DPP10: variants seen among roughly 807,000 people sequenced by gnomAD.
The protein encoded by DPP10 is inactive dipeptidyl peptidase 10.
DPP10 carries 33 observed loss-of-function variants against 120.9 expected under a neutral mutation model. The ratio of observed to expected loss-of-function variants is 0.27; its 90% CI spans 0.21 to 0.37. The LOEUF is 0.37. Ranked by LOEUF, DPP10 falls within the 10% of genes least tolerant of loss-of-function variation. DPP10 has a pLI of 1.00. For synonymous variants in DPP10, 337 were observed against 326.1 expected (o/e 1.03, Z -0.36); for missense variants, 816 against 942.8 (o/e 0.87, Z 1.76).
chr2:115,117,757 T>C (rs2049596988), intron 1 of DPP10, among the ~76,000 whole-genome samples: 1 of 152,120 alleles, frequency 6.6e-6, no homozygotes, highest in African/African-American at 2.4e-5. Context: ...TTGAAAATAA[T>C]TACGAAGCTA....
intron 4 of DPP10, among the ~76,000 whole-genome samples, chr2:115,515,329 A>T (rs1479071145): frequency 3.9e-5 from 6 of 152,032 alleles, no homozygotes; most frequent in Admixed American, 3.9e-4. Context: ...ATAGTGTATG[A>T]TACTCTCTGT....
intron 1 of DPP10, among the ~76,000 whole-genome samples, chr2:114,550,127 A>T (rs1351969572): frequency 2.0e-5 from 3 of 151,978 alleles, no homozygotes; most frequent in Non-Finnish European, 2.9e-5. Flanking sequence ...CTCATTTTTC[A>T]TTTAAATGAC....
chr2:114,950,520 T>G (rs78146493), intron 1 of DPP10, among the ~76,000 whole-genome samples: 3,081 of 151,834 alleles, frequency 0.02, 106 homozygotes, highest in African/African-American at 0.069. Context: ...GTTAGCAGGA[T>G]GGTCTCGATC....
intron 1 of DPP10, among the ~76,000 whole-genome samples, chr2:114,562,921 A>C (rs1047333644): frequency 6.6e-6 from 1 of 152,206 alleles, no homozygotes; most frequent in Admixed American, 6.5e-5. Context: ...TTTTTATAAA[A>C]CTTTTAACTG....
At chr2:115,365,041 C>G (rs2065001095) in intron 3 of DPP10, among the ~76,000 whole-genome samples, 1 of 152,108 alleles carries the variant, frequency 6.6e-6, no homozygotes, top group South Asian at 2.1e-4. Flanking sequence ...GATCAAACTT[C>G]TGTAGCAAGT....
At chr2:115,627,596 C>T (rs2085468467) in intron 5 of DPP10, among the ~76,000 whole-genome samples, 1 of 152,090 alleles carries the variant, frequency 6.6e-6, no homozygotes, top group East Asian at 1.9e-4. Context: ...TAAACGTGTG[C>T]TATGGTGGTT....
At chr2:114,824,340 G>A (rs1686348921) in intron 1 of DPP10, among the ~76,000 whole-genome samples, 1 of 152,192 alleles carries the variant, frequency 6.6e-6, no homozygotes, top group Non-Finnish European at 1.5e-5. Flanking sequence ...ACTGGGCTGT[G>A]TGCCTTTGAA....
chr2:115,485,457 G>C (rs2075717471), intron 3 of DPP10, among the ~76,000 whole-genome samples: 1 of 151,850 alleles, frequency 6.6e-6, no homozygotes, highest in African/African-American at 2.4e-5. Flanking sequence ...CTTCATTCTT[G>C]GGTCTGATTG....
intron 1 of DPP10, among the ~76,000 whole-genome samples, chr2:115,276,213 C>G (rs140346272): frequency 2.0e-5 from 3 of 152,202 alleles, no homozygotes; most frequent in Non-Finnish European, 2.9e-5. Flanking sequence ...TAAAGATACA[C>G]AGAACCCGGG....
At chr2:115,438,765 T>C (rs891014007) in intron 3 of DPP10, among the ~76,000 whole-genome samples, 1 of 149,894 alleles carries the variant, frequency 6.7e-6, no homozygotes, top group Admixed American at 6.7e-5. Context: ...GTGGCTAAGA[T>C]GGTCATGGAA....
rs991994955 is a variant in DPP10, at chr2:115,834,852, C to T, written c.1951-1305C>T. 2.5e-4 allele frequency among the ~76,000 whole-genome samples: 38 copies of T among 151,834 alleles called. 1 individual carries two copies. The highest frequency in any genetic ancestry group is 9.2e-4 in the African/African-American group (38 of 41,322). On this transcript the variant is annotated intron_variant, in intron 21 of 25. Coordinates refer to ENST00000410059, the MANE Select transcript of DPP10 (RefSeq NM_020868.6). ...CTGTAATCCCAGCACTTTGGGAGGCCGAGGCGGGTAGATCACGAGGTCAGG... is the reference window on the plus strand; with the variant it reads ...CTGTAATCCCAGCACTTTGGGAGGCTGAGGCGGGTAGATCACGAGGTCAGG...
At chr2:114,506,462 G>T (rs1398239655) in intron 1 of DPP10, among the ~76,000 whole-genome samples, 1 of 152,014 alleles carries the variant, frequency 6.6e-6, no homozygotes, top group Non-Finnish European at 1.5e-5. Flanking sequence ...AAGAATTTAG[G>T]TGCCATGAGT....
At chr2:114,773,075 T>C (rs1379783316) in intron 1 of DPP10, among the ~76,000 whole-genome samples, 2 of 152,216 alleles carry the variant, frequency 1.3e-5, no homozygotes, top group Non-Finnish European at 1.5e-5. Context: ...TAAGGTCTAG[T>C]AATGATTACA....
intron 1 of DPP10, among the ~76,000 whole-genome samples, chr2:114,977,177 T>A (rs920582050): frequency 3.3e-5 from 5 of 152,216 alleles, no homozygotes; most frequent in Non-Finnish European, 7.3e-5. Context: ...TAAATATGTT[T>A]ACATCTTGTG....
At chr2:114,775,880 G>A (rs1055056537) in intron 1 of DPP10, among the ~76,000 whole-genome samples, 1 of 152,116 alleles carries the variant, frequency 6.6e-6, no homozygotes, top group African/African-American at 2.4e-5. Context: ...ACACTCCTAC[G>A]TCTCAAGGAA....
chr2:114,949,811 T>A (rs562657794), intron 1 of DPP10, among the ~76,000 whole-genome samples: 2 of 152,274 alleles, frequency 1.3e-5, no homozygotes, highest in South Asian at 4.1e-4. Context: ...TGAGAATTCT[T>A]CCCCAGCCTC....
chr2:114,869,396 G>T (rs1459638777), intron 1 of DPP10, among the ~76,000 whole-genome samples: 1 of 152,138 alleles, frequency 6.6e-6, no homozygotes, highest in African/African-American at 2.4e-5. Flanking sequence ...TATGCAACAA[G>T]TTATATGAAG....
intron 1 of DPP10, among the ~76,000 whole-genome samples, chr2:115,134,337 C>G (rs1015431005): frequency 1.3e-5 from 2 of 151,934 alleles, no homozygotes; most frequent in African/African-American, 4.8e-5. Context: ...CTATTTGGAC[C>G]CATTCTTTGG....
At chr2:114,724,137 T>G (rs72830376) in intron 1 of DPP10, among the ~76,000 whole-genome samples, 1,913 of 152,274 alleles carry the variant, frequency 0.013, 14 homozygotes, top group Middle Eastern at 0.034. Context: ...GTGAGCCCCT[T>G]TAAATTATCA....
Sources: gnomAD v4.1 joint callset for allele counts (sites outside exome capture counted in the v4.1 genomes callset) on GRCh38, gnomAD v4.1.1 for gene constraint, MANE v1.5 for transcripts, NCBI Gene and HGNC (gene_info 2026-07-23, HGNC 2026-07-21) for gene names.